The following ARHGAP44 variants were observed in gnomAD, a reference collection of about 807,000 sequenced individuals.
The protein encoded by ARHGAP44 is rho GTPase-activating protein 44.
In ARHGAP44, 43 loss-of-function variants were observed where a neutral mutation model predicts 106.8. The observed-to-expected ratio is 0.40, with a 90% CI of 0.32 to 0.52. The LOEUF (loss-of-function observed/expected upper bound fraction) is 0.52. ARHGAP44 is among the 20% of genes least tolerant of loss of function. The pLI is 0.48. For missense variants in ARHGAP44, 866 were observed against 1,050.5 expected (o/e 0.82, Z 2.43); for synonymous variants, 439 against 410.3 (o/e 1.07, Z -0.85).
At chr17:12,989,951 G>A in intron 20 of ARHGAP44, 81 bp from the exon 21 acceptor site, 1 of 1,558,738 alleles carries the variant, frequency 6.4e-7, no homozygotes, top group South Asian at 1.2e-5. Context: ...GCCTCCTAAG[G>A]CTGACATTAT....
In ARHGAP44 at chr17:12,876,913, A is replaced by T. The variant is rs534770033; in HGVS notation, c.54-18027A>T. Among the ~76,000 whole-genome samples, 4 of 150,820 alleles carry T rather than the reference A, an allele frequency of 2.7e-5. No homozygotes were observed. In the South Asian group the frequency reaches 6.3e-4, roughly 24 times the overall value. ...TGACAGAGTGAGACTCCGTCTCAAA[A>T]AAAAAAAAAAAAAAAGAAGAAAAGA... On this transcript the variant is annotated intron_variant, in intron 1 of 20. Transcript: ENST00000379672.
chr17:12,985,996 G>A (rs746824442), intron 20 of ARHGAP44: 1 of 152,198 alleles, frequency 6.6e-6, no homozygotes, highest in Non-Finnish European at 1.5e-5. Flanking sequence ...CCAAAAGAGT[G>A]ATTTATTTCT....
intron 18 of ARHGAP44, among the ~76,000 whole-genome samples, chr17:12,976,103 A>G (rs2143362047): frequency 6.6e-6 from 1 of 152,290 alleles, no homozygotes; most frequent in South Asian, 2.1e-4. Context: ...GTTAGAAGAC[A>G]TGGCATTCCT....
chr17:12,835,272 G>A (rs779979288), intron 1 of ARHGAP44, among the ~76,000 whole-genome samples: 1 of 152,154 alleles, frequency 6.6e-6, no homozygotes, highest in Non-Finnish European at 1.5e-5. Flanking sequence ...GTTGAGGCTT[G>A]CCAACACCCT....
At chr17:12,861,134 G>A (rs2036059995) in intron 1 of ARHGAP44, among the ~76,000 whole-genome samples, 1 of 152,090 alleles carries the variant, frequency 6.6e-6, no homozygotes, top group South Asian at 2.1e-4. Context: ...GGGGTTACAG[G>A]CGTGAGCCAC....
At chr17:12,911,937 T>C (rs2037748929) in intron 4 of ARHGAP44, among the ~76,000 whole-genome samples, 1 of 152,214 alleles carries the variant, frequency 6.6e-6, no homozygotes. Flanking sequence ...TCTGAGGATG[T>C]TGGAGGGGGT....
At chr17:12,908,788 G>A (rs2037637586) in intron 3 of ARHGAP44, 109 bp from the exon 4 acceptor site, 2 of 829,278 alleles carry the variant, frequency 2.4e-6, no homozygotes, top group Non-Finnish European at 3.9e-6. Context: ...AAGTTAGCTT[G>A]TTTCATAGTT....
chr17:12,906,192 G>C (rs1725710878), intron 3 of ARHGAP44, among the ~76,000 whole-genome samples: 1 of 152,180 alleles, frequency 6.6e-6, no homozygotes, highest in Admixed American at 6.5e-5. Flanking sequence ...TATTATGCCT[G>C]CTTCTCTGAA....
chr17:12,973,870 G>A (rs923431291), intron 17 of ARHGAP44: 3 of 589,598 alleles, frequency 5.1e-6, no homozygotes, highest in African/African-American at 3.8e-5. Context: ...TGAGGGGGCC[G>A]CTCTTGCCAG....
chr17:12,849,142 G>C (rs980648707), intron 1 of ARHGAP44, among the ~76,000 whole-genome samples: 1 of 151,904 alleles, frequency 6.6e-6, no homozygotes, highest in Non-Finnish European at 1.5e-5. Flanking sequence ...CATTCAAAAT[G>C]TATCCATTAT....
chr17:12,956,769 G>T lies in ARHGAP44; in HGVS notation c.1342+23G>T, dbSNP rs757894038. On this transcript the variant is annotated intron_variant, in intron 15 of 20. Transcript: ENST00000379672. ...GGGGTAGGTGACAGCACCTAGGTGT[G>T]GGGGCAAGAGGCAGGGAACAGGAGT... 1.4e-5 allele frequency: 22 copies of T among 1,602,508 alleles called. No homozygotes were observed. The South Asian group carries it at 2.2e-4, about 16-fold the overall frequency.
chr17:12,805,750 T>C (rs2034256170), intron 1 of ARHGAP44, among the ~76,000 whole-genome samples: 1 of 152,190 alleles, frequency 6.6e-6, no homozygotes, highest in African/African-American at 2.4e-5. Flanking sequence ...GCATGCAGCA[T>C]GTTTACTAGG....
intron 3 of ARHGAP44, among the ~76,000 whole-genome samples, chr17:12,903,146 T>TCA (rs2037444317): frequency 8.2e-6 from 1 of 122,538 alleles, no homozygotes; most frequent in African/African-American, 4.3e-5. Flanking sequence ...AGAGAGTGTG[T>TCA]GTGTGTGTGT....
chr17:12,938,033 G>A (rs997315998), intron 7 of ARHGAP44, among the ~76,000 whole-genome samples: 6 of 152,080 alleles, frequency 3.9e-5, no homozygotes, highest in African/African-American at 1.2e-4. Flanking sequence ...GGAAGGCGGA[G>A]GTTGCAGTGA....
intron 8 of ARHGAP44, among the ~76,000 whole-genome samples, chr17:12,942,436 G>A (rs1351093995): frequency 1.3e-5 from 2 of 152,144 alleles, no homozygotes; most frequent in Non-Finnish European, 2.9e-5. Flanking sequence ...GTGAGCCACC[G>A]TCCCTGGTGG....
At chr17:12,867,571 G>A (rs765065297) in intron 1 of ARHGAP44, among the ~76,000 whole-genome samples, 6 of 152,128 alleles carry the variant, frequency 3.9e-5, no homozygotes, top group Non-Finnish European at 7.4e-5. Flanking sequence ...ATATTTACAA[G>A]CTACTTTCTG....
chr17:12,866,865 G>A (rs992911515), intron 1 of ARHGAP44, among the ~76,000 whole-genome samples: 5 of 152,062 alleles, frequency 3.3e-5, no homozygotes, highest in African/African-American at 7.2e-5. Context: ...CTTCATGTCC[G>A]TAAAACTTCC....
chr17:12,832,839 G>A (rs1325361750), intron 1 of ARHGAP44, among the ~76,000 whole-genome samples: 2 of 152,216 alleles, frequency 1.3e-5, no homozygotes, highest in Admixed American at 1.3e-4. Flanking sequence ...GGAAACATTG[G>A]AAGTCTGTAA....
At position 12,990,072 on chromosome 17, in the gene ARHGAP44, C is replaced by G. The variant is rs752785731; in HGVS notation, c.2358C>G (p.Leu786=). ...ATATTCCCTCGATCCACATAGAGCT[C>G]GGGTCGACGCTCCGCCTGAGTCCCC... ...HFDIPSIHIE[L]GSTLRLSPLE... is the part of the protein sequence containing the mutation. The change falls in exon 21 of 21, where the codon CTC becomes CTG. Residue 786 remains leucine (L), a synonymous_variant. Transcript: ENST00000379672. The G allele has an allele frequency of 6.2e-7, 1 of 1,612,824 alleles. No homozygotes were observed. Among genetic ancestry groups the G allele is most frequent in the Non-Finnish European group, 8.5e-7 (1 of 1,178,938 alleles).
Sources: allele counts gnomAD v4.1 joint callset (sites outside exome capture counted in the v4.1 genomes callset), GRCh38; gene constraint gnomAD v4.1.1; transcripts MANE v1.5; gene names NCBI Gene and HGNC (gene_info 2026-07-23, HGNC 2026-07-21).